The following CDH1 variants were observed in gnomAD, a reference collection of about 807,000 sequenced individuals.
CDH1 encodes the protein cadherin-1.
CDH1 carries 35 observed loss-of-function variants against 84.5 expected under a neutral mutation model. That is an observed-to-expected ratio of 0.41 (90% CI 0.32 to 0.55). The LOEUF is 0.55. Ranked by LOEUF, CDH1 falls within the 20% of genes least tolerant of loss-of-function variation. The pLI, the probability that CDH1 is intolerant of heterozygous loss-of-function variation, is 0.19. For synonymous variants in CDH1, 417 were observed against 439.0 expected (o/e 0.95, Z 0.63); for missense variants, 994 against 1,126.6 (o/e 0.88, Z 1.68).
chr16:68,767,819 G>T (rs1170097979), intron 2 of CDH1, among the ~76,000 whole-genome samples: 2 of 152,212 alleles, frequency 1.3e-5, no homozygotes, highest in East Asian at 3.8e-4. Context: ...GGAGAGCCGG[G>T]TGTGGTAGTG....
In CDH1 at chr16:68,808,454, C is replaced by T. The variant is rs758277885; in HGVS notation, c.418C>T (p.Leu140Phe). 1 of 1,614,156 alleles carries T rather than the reference C, an allele frequency of 6.2e-7. No individual in the cohort carries two copies. Among genetic ancestry groups the T allele is most frequent in the Non-Finnish European group, 8.5e-7 (1 of 1,180,014 alleles). The change falls in exon 4 of 16, where the codon CTC becomes TTC. Residue 140 changes from leucine to phenylalanine, a missense_variant. Leu to Phe is a conservative substitution (Grantham distance 22). Coordinates refer to ENST00000261769, the MANE Select transcript of CDH1 (RefSeq NM_004360.5). The part of the protein sequence containing the change: ...ASVSGIQAEL[L>F]TFPNSSPGLR... ...CGTTTCTGGAATCCAAGCAGAATTG[C>T]TCACATTTCCCAACTCCTCTCCTGG... is the stretch of plus-strand genomic sequence containing the variant.
At position 68,811,842 on chromosome 16, in the gene CDH1, A is replaced by C. The variant is rs1960843471; in HGVS notation, c.991A>C (p.Thr331Pro). 1 of 1,614,076 alleles carries C rather than the reference A, an allele frequency of 6.2e-7. No homozygotes were observed. Among genetic ancestry groups the C allele is most frequent in the African/African-American group, 1.3e-5 (1 of 74,932 alleles). Residue 331 changes from threonine to proline, a missense_variant, in exon 7 of 16, where the codon ACT (threonine) becomes CCT (proline). Coordinates refer to ENST00000261769, the MANE Select transcript of CDH1 (RefSeq NM_004360.5). ...CACAGGAGTCATCAGTGTGGTCACC[A>C]CTGGGCTGGACCGAGAGGTCAGGGG... ...RNTGVISVVTTGLDRESFPTY... is the reference protein window; with the variant it reads ...RNTGVISVVTPGLDRESFPTY...
At chr16:68,744,029 G>C (rs117584295) in intron 2 of CDH1, among the ~76,000 whole-genome samples, 7 of 152,386 alleles carry the variant, frequency 4.6e-5, no homozygotes, top group Non-Finnish European at 1.0e-4. Flanking sequence ...AATGTAAAGA[G>C]AGAAAGTAGA....
At chr16:68,811,070 C>T (rs1294509854) in intron 6 of CDH1, among the ~76,000 whole-genome samples, 1 of 151,882 alleles carries the variant, frequency 6.6e-6, no homozygotes, top group African/African-American at 2.4e-5. Context: ...AACAATCCCC[C>T]TTGGTCACAT....
intron 2 of CDH1, chr16:68,742,343 G>A (rs1981870): frequency 0.25 from 37,888 of 151,732 alleles, 4,919 homozygotes; most frequent in Admixed American, 0.29. Context: ...GCAGTGACGT[G>A]ATCTCGGCTC....
intron 14 of CDH1, 28 bp from the exon 15 acceptor site, chr16:68,829,626 A>G (rs775833020): frequency 1.9e-6 from 3 of 1,612,590 alleles, no homozygotes; most frequent in Admixed American, 1.7e-5. Flanking sequence ...CCTACTCTTC[A>G]TTGTACTTCA....
rs2152132052 is a variant in CDH1, at chr16:68,811,785, C to T, written c.934C>T (p.Pro312Ser). ...CATCCTCAGCCAAGATCCTGAGCTC[C>T]CTGACAAAAATATGTTCACCATTAA... The part of the protein sequence containing the change: ...YTILSQDPEL[P>S]DKNMFTINRN... The change falls in exon 7 of 16, where the codon CCT becomes TCT. Residue 312 changes from proline (P) to serine (S), a missense_variant. Transcript: ENST00000261769. 5.0e-6 allele frequency: 8 copies of T among 1,614,150 alleles called. No homozygotes were observed. Among genetic ancestry groups the T allele is most frequent in the Non-Finnish European group, 5.9e-6 (7 of 1,180,028 alleles).
At chr16:68,790,748 G>T (rs1321971766) in intron 2 of CDH1, among the ~76,000 whole-genome samples, 1 of 152,084 alleles carries the variant, frequency 6.6e-6, no homozygotes. Flanking sequence ...TTGCCAGTTG[G>T]TGTTGACTCT....
intron 3 of CDH1, among the ~76,000 whole-genome samples, chr16:68,806,972 A>G (rs1296232856): frequency 6.6e-6 from 1 of 152,226 alleles, no homozygotes; most frequent in African/African-American, 2.4e-5. Context: ...GCCAGAAAAT[A>G]GAGCTGAACT....
chr16:68,770,385 G>C (rs1040331507), intron 2 of CDH1, among the ~76,000 whole-genome samples: 1 of 152,142 alleles, frequency 6.6e-6, no homozygotes, highest in Admixed American at 6.5e-5. Context: ...CCAAAGCTCA[G>C]TCCGCAGCAC....
rs771545158 is a variant in CDH1 at position 68,828,328 on chromosome 16, C to A, written c.2295+24C>A. ...AGGTGGGTTTTGAAAACCTTGGTAG[C>A]TCAGTGGTGATCTCTTTATTCGGAA... On this transcript the variant is annotated intron_variant, in intron 14 of 15. Coordinates refer to ENST00000261769, the MANE Select transcript of CDH1 (RefSeq NM_004360.5). The A allele has an allele frequency of 6.2e-7, 1 of 1,612,712 alleles. No homozygotes were observed.
At chr16:68,769,979 C>CTTT (rs34018552) in intron 2 of CDH1, among the ~76,000 whole-genome samples, 26 of 125,238 alleles carry the variant, frequency 2.1e-4, no homozygotes, top group African/African-American at 7.0e-4. Context: ...CCGCAGCTGG[C>CTTT]TTTTTTTTTT....
intron 15 of CDH1, among the ~76,000 whole-genome samples, chr16:68,832,140 G>A (rs554471385): frequency 6.6e-6 from 1 of 151,932 alleles, no homozygotes; most frequent in Non-Finnish European, 1.5e-5. Flanking sequence ...CTTAAGGGAG[G>A]AGAGAGAGAG....
rs569417438 is a variant in CDH1, at chr16:68,768,878, A to C, written c.163+30467A>C. Among the ~76,000 whole-genome samples, 3 of 152,326 alleles carry C rather than the reference A, an allele frequency of 2.0e-5. No homozygotes were observed. In the South Asian group the frequency reaches 6.2e-4, roughly 32 times the overall value. The stretch of plus-strand genomic sequence containing the variant: ...ATCGTTATCCAACACTCTCTGCCTC[A>C]GGGCCATGGTGCCTGCTGTTCCCTG... On this transcript the variant is annotated intron_variant, in intron 2 of 15. Transcript: ENST00000261769.
chr16:68,823,372 A>G (rs2152139194), intron 12 of CDH1, 27 bp from the exon 13 acceptor site: 1 of 1,510,558 alleles, frequency 6.6e-7, no homozygotes, highest in Non-Finnish European at 9.2e-7. Flanking sequence ...CCCTGGTCTC[A>G]TCATTTCTTT....
At chr16:68,768,910 G>A in intron 2 of CDH1, among the ~76,000 whole-genome samples, 1 of 152,302 alleles carries the variant, frequency 6.6e-6, no homozygotes. Context: ...CCTGTGCCCA[G>A]AGCACCCTTC....
chr16:68,797,948 G>A (rs1036452656), intron 2 of CDH1, among the ~76,000 whole-genome samples: 9 of 151,726 alleles, frequency 5.9e-5, no homozygotes, highest in African/African-American at 1.9e-4. Context: ...GCGTGGTGGT[G>A]TGCACCTGTA....
chr16:68,822,246 T>G, intron 12 of CDH1, 21 bp downstream of exon 12: 2 of 1,563,482 alleles, frequency 1.3e-6, no homozygotes, highest in Non-Finnish European at 1.8e-6. Flanking sequence ...GAGTTTTATT[T>G]TGGCAACTTT....
chr16:68,741,860 A>G (rs1053181074), intron 2 of CDH1, among the ~76,000 whole-genome samples: 1 of 152,138 alleles, frequency 6.6e-6, no homozygotes, highest in African/African-American at 2.4e-5. Context: ...TAGTAGAGAC[A>G]GGATTTCATC....
Sources: gnomAD v4.1 joint callset for allele counts (sites outside exome capture counted in the v4.1 genomes callset) on GRCh38, gnomAD v4.1.1 for gene constraint, MANE v1.5 for transcripts, NCBI Gene and HGNC (gene_info 2026-07-23, HGNC 2026-07-21) for gene names.